The following THSD7B variants were observed in gnomAD, a reference collection of about 807,000 sequenced individuals.
THSD7B encodes thrombospondin type-1 domain-containing protein 7B.
THSD7B carries 138 observed loss-of-function variants against 213.6 expected under a neutral mutation model. The ratio of observed to expected loss-of-function variants is 0.65; its 90% CI spans 0.56 to 0.74. The LOEUF (loss-of-function observed/expected upper bound fraction) is 0.74, where lower values mean the gene tolerates loss of function less well. THSD7B is among the 30% of genes least tolerant of loss of function. The pLI is 0.00. For synonymous variants in THSD7B, 742 were observed against 687.0 expected (o/e 1.08, Z -1.25); for missense variants, 1,931 against 1,991.5 (o/e 0.97, Z 0.58).
At chr2:137,330,519 T>C (rs1426040817) in intron 12 of THSD7B, among the ~76,000 whole-genome samples, 1 of 152,164 alleles carries the variant, frequency 6.6e-6, no homozygotes, top group Non-Finnish European at 1.5e-5. Context: ...TCGGATATGC[T>C]AGGAGTTTTC....
At chr2:137,312,094 C>A (rs1683928116) in intron 12 of THSD7B, among the ~76,000 whole-genome samples, 1 of 151,028 alleles carries the variant, frequency 6.6e-6, no homozygotes. Flanking sequence ...CCAGTTCCTC[C>A]TTGTACCTCT....
chr2:136,803,293 A>G (rs868635065), intron 1 of THSD7B, among the ~76,000 whole-genome samples: 1 of 152,136 alleles, frequency 6.6e-6, no homozygotes, highest in Non-Finnish European at 1.5e-5. Context: ...CAGAACCCCA[A>G]TATAACTATT....
intron 9 of THSD7B, among the ~76,000 whole-genome samples, chr2:137,238,222 A>G (rs1558969425): frequency 6.6e-6 from 1 of 152,170 alleles, no homozygotes; most frequent in African/African-American, 2.4e-5. Flanking sequence ...GTGTTGCGCC[A>G]CAAATATTTC....
intron 1 of THSD7B, among the ~76,000 whole-genome samples, chr2:136,797,176 G>T (rs1446812930): frequency 2.0e-5 from 3 of 151,918 alleles, no homozygotes; most frequent in African/African-American, 7.2e-5. Flanking sequence ...ACCTTCAAAT[G>T]CTGGAACAAG....
Position 137,429,662 on chromosome 2 carries a change from C to T in THSD7B, c.2959+17790C>T, listed in dbSNP as rs561177209. ...GTGTGGTTTTAGGTTTTATAAACAG[C>T]GTCTCAGAATAGAGGAATATTTAAT... On this transcript the variant is annotated intron_variant, in intron 14 of 27. Transcript: ENST00000409968. Among the ~76,000 whole-genome samples the T allele has an allele frequency of 3.3e-5, 5 of 152,210 alleles. No individual in the cohort carries two copies. In the South Asian group the frequency reaches 6.2e-4, roughly 19 times the overall value.
At chr2:136,939,007 G>A (rs1308514176) in intron 2 of THSD7B, among the ~76,000 whole-genome samples, 1 of 152,184 alleles carries the variant, frequency 6.6e-6, no homozygotes, top group East Asian at 1.9e-4. Flanking sequence ...GATCTTACAT[G>A]ACTCCTTTGC....
chr2:137,166,978 TA>T (rs1383599978), intron 6 of THSD7B, among the ~76,000 whole-genome samples: 3 of 152,224 alleles, frequency 2.0e-5, no homozygotes, highest in African/African-American at 7.2e-5. Context: ...TGTGGACTAA[TA>T]ATGATACTAT....
At chr2:136,973,424 A>G in intron 2 of THSD7B, among the ~76,000 whole-genome samples, 1 of 152,148 alleles carries the variant, frequency 6.6e-6, no homozygotes, top group East Asian at 1.9e-4. Context: ...AAATTTAGAG[A>G]CTAAATATCT....
At chr2:137,428,109 A>T (rs188649613) in intron 14 of THSD7B, among the ~76,000 whole-genome samples, 12 of 152,286 alleles carry the variant, frequency 7.9e-5, no homozygotes, top group African/African-American at 2.4e-4. Flanking sequence ...CAACAAATAA[A>T]AGGTATTTGT....
chr2:137,289,556 A>G (rs879428836), intron 12 of THSD7B, among the ~76,000 whole-genome samples: 3 of 152,026 alleles, frequency 2.0e-5, no homozygotes, highest in Middle Eastern at 3.4e-3. Context: ...AATTGTGTAA[A>G]CAAAGACAGA....
At chr2:137,642,298 A>G (rs974538157) in intron 20 of THSD7B, 190 bp from the exon 21 acceptor site, 2 of 597,386 alleles carry the variant, frequency 3.3e-6, no homozygotes, top group Non-Finnish European at 2.8e-6. Flanking sequence ...TCCTTTAAGC[A>G]TTGTGAAAAC....
chr2:137,205,562 G>A (rs1012398687), intron 7 of THSD7B, among the ~76,000 whole-genome samples: 21 of 151,882 alleles, frequency 1.4e-4, no homozygotes, highest in East Asian at 3.9e-4. Context: ...TTTCTGTTTC[G>A]TATCACTATT....
At chr2:137,001,837 ACTTTT>A (rs1686005467) in intron 2 of THSD7B, among the ~76,000 whole-genome samples, 1 of 151,924 alleles carries the variant, frequency 6.6e-6, no homozygotes, top group Non-Finnish European at 1.5e-5. Flanking sequence ...CTGTTTTTCT[ACTTTT>A]CTGACTTTTA....
At chr2:137,368,114 A>G (rs1685462254) in intron 12 of THSD7B, among the ~76,000 whole-genome samples, 1 of 152,122 alleles carries the variant, frequency 6.6e-6, no homozygotes, top group Non-Finnish European at 1.5e-5. Context: ...GCCTTCCTGT[A>G]TCTGAAGATT....
chr2:137,091,868 A>G (rs1029502620), intron 3 of THSD7B, among the ~76,000 whole-genome samples: 1 of 152,228 alleles, frequency 6.6e-6, no homozygotes, highest in Non-Finnish European at 1.5e-5. Context: ...AAGTCAAAAC[A>G]TGGAAACTTC....
intron 10 of THSD7B, among the ~76,000 whole-genome samples, chr2:137,267,487 G>A (rs1023788696): frequency 1.3e-5 from 2 of 151,860 alleles, no homozygotes; most frequent in East Asian, 3.9e-4. Context: ...GGACAGTGAT[G>A]TAGACTACCT....
chr2:137,129,773 C>A (rs1048949298), intron 5 of THSD7B, among the ~76,000 whole-genome samples: 1 of 152,186 alleles, frequency 6.6e-6, no homozygotes, highest in African/African-American at 2.4e-5. Flanking sequence ...ATTACACAGT[C>A]ATTTCTTAAT....
chr2:137,279,598 A>C (rs1476956810), intron 12 of THSD7B, among the ~76,000 whole-genome samples: 1 of 152,106 alleles, frequency 6.6e-6, no homozygotes, highest in African/African-American at 2.4e-5. Flanking sequence ...GGGATTATTT[A>C]AGTAAATGCG....
rs569022592 is a variant in THSD7B at position 137,662,220 on chromosome 2, G to A, written c.4459-1163G>A. Among the ~76,000 whole-genome samples, 955 of 143,400 alleles carry A rather than the reference G, an allele frequency of 6.7e-3. 10 individuals are homozygous for A. The highest frequency in any genetic ancestry group is 0.022 in the African/African-American group (861 of 38,508). 94.1% of individuals were successfully genotyped at this position (143,400 alleles called of 152,430 possible). Reference sequence around the variant, plus strand: ...TAGGACTACAGATGCCCGCCACGACGCCCGGCTAATTTTTTTTTTTTCTTT... The same window carrying A: ...TAGGACTACAGATGCCCGCCACGACACCCGGCTAATTTTTTTTTTTTCTTT... On this transcript the variant is annotated intron_variant, in intron 25 of 27. Transcript: ENST00000409968.
Sources: gnomAD v4.1 joint callset for allele counts (sites outside exome capture counted in the v4.1 genomes callset) on GRCh38, gnomAD v4.1.1 for gene constraint, MANE v1.5 for transcripts, NCBI Gene and HGNC (gene_info 2026-07-23, HGNC 2026-07-21) for gene names.